The following MAPK8 variants were observed in gnomAD, a reference collection of about 807,000 sequenced individuals.
MAPK8 encodes the protein JUN N-terminal kinase.
A neutral mutation model predicts 52.9 loss-of-function variants in MAPK8; 13 were observed. The ratio of observed to expected loss-of-function variants is 0.25; its 90% CI spans 0.16 to 0.39. The LOEUF (loss-of-function observed/expected upper bound fraction) is 0.39. MAPK8 is among the 10% of genes least tolerant of loss of function. MAPK8 has a pLI of 1.00. For missense variants in MAPK8, 300 were observed against 519.2 expected (o/e 0.58, Z 4.10); for synonymous variants, 191 against 169.8 (o/e 1.12, Z -0.97).
chr10:48,370,311 G>A (rs1477673982), intron 1 of MAPK8, among the ~76,000 whole-genome samples: 2 of 152,112 alleles, frequency 1.3e-5, no homozygotes, highest in Admixed American at 1.3e-4. Flanking sequence ...TTAGACTAGT[G>A]CAACTTGGGA....
rs147553708 is a variant in MAPK8, at chr10:48,418,113, A to G, written c.451-2042A>G. ...AGTATCAGCACTTTCTTTACAAAGC[A>G]GGCAGGCCTTAATTTGCCAGCCCCT... On this transcript the variant is annotated intron_variant, in intron 5 of 11. Coordinates refer to ENST00000374189, the MANE Select transcript of MAPK8 (RefSeq NM_001323329.2). Among the ~76,000 whole-genome samples, 679 of 152,368 alleles carry G rather than the reference A, an allele frequency of 4.5e-3. 9 individuals are homozygous for G. Among genetic ancestry groups the G allele is most frequent in the South Asian group, 0.029 (138 of 4,828 alleles).
At chr10:48,403,652 T>C (rs950165192) in intron 2 of MAPK8, among the ~76,000 whole-genome samples, 1 of 152,274 alleles carries the variant, frequency 6.6e-6, no homozygotes, top group Admixed American at 6.5e-5. Context: ...TAACCAACCA[T>C]AAATTAAATT....
At chr10:48,382,809 TTATA>T (rs1246846986) in intron 1 of MAPK8, among the ~76,000 whole-genome samples, 1 of 147,190 alleles carries the variant, frequency 6.8e-6, no homozygotes, top group African/African-American at 2.5e-5. Flanking sequence ...ATAATATATA[TTATA>T]TATATGACTC....
At chr10:48,307,765 G>A (rs1326599399) in intron 1 of MAPK8, among the ~76,000 whole-genome samples, 1 of 152,174 alleles carries the variant, frequency 6.6e-6, no homozygotes, top group Non-Finnish European at 1.5e-5. Context: ...TTTGAGATAA[G>A]CATCCAGCAA....
chr10:48,430,976 G>A, intron 10 of MAPK8: 1 of 571,482 alleles, frequency 1.7e-6, no homozygotes, highest in Non-Finnish European at 3.1e-6. Flanking sequence ...TTACAGGAAA[G>A]ATTAGTACTT....
intron 1 of MAPK8, among the ~76,000 whole-genome samples, chr10:48,345,252 A>G (rs1845660082): frequency 6.6e-6 from 1 of 152,168 alleles, no homozygotes. Flanking sequence ...GCTTGACCCA[A>G]TACTTCTGTG....
At chr10:48,419,371 G>A (rs1278755357) in intron 5 of MAPK8, among the ~76,000 whole-genome samples, 1 of 152,148 alleles carries the variant, frequency 6.6e-6, no homozygotes, top group Non-Finnish European at 1.5e-5. Flanking sequence ...GCTTATAATA[G>A]TATTCATCAA....
At chr10:48,433,845 C>T (rs1394687266) in intron 11 of MAPK8, among the ~76,000 whole-genome samples, 1 of 152,166 alleles carries the variant, frequency 6.6e-6, no homozygotes, top group Non-Finnish European at 1.5e-5. Flanking sequence ...TCTTTGGGTG[C>T]CTGAACCTCA....
At chr10:48,336,946 C>T (rs1228973537) in intron 1 of MAPK8, among the ~76,000 whole-genome samples, 1 of 152,074 alleles carries the variant, frequency 6.6e-6, no homozygotes, top group Non-Finnish European at 1.5e-5. Flanking sequence ...GGTATATATG[C>T]CATACCCAGT....
chr10:48,379,879 C>T (rs1041766675), intron 1 of MAPK8, among the ~76,000 whole-genome samples: 1 of 150,392 alleles, frequency 6.6e-6, no homozygotes, highest in Non-Finnish European at 1.5e-5. Context: ...TATTCAAAGT[C>T]CTTTCCACGA....
intron 1 of MAPK8, among the ~76,000 whole-genome samples, chr10:48,349,879 TAAAG>T (rs1846137966): frequency 6.6e-6 from 1 of 151,976 alleles, no homozygotes. Context: ...GTCAGACTAA[TAAAG>T]AAGAAAAGAT....
intron 5 of MAPK8, among the ~76,000 whole-genome samples, chr10:48,417,415 A>C (rs2043123055): frequency 6.6e-6 from 1 of 152,184 alleles, no homozygotes; most frequent in African/African-American, 2.4e-5. Flanking sequence ...TTTTTCCCTG[A>C]AAGGGTTTCA....
intron 5 of MAPK8, 188 bp downstream of exon 5, chr10:48,410,356 A>C: frequency 2.4e-6 from 1 of 415,938 alleles, no homozygotes; most frequent in East Asian, 3.6e-5. Context: ...GCAGTTGTGC[A>C]TCTTTGCCCT....
chr10:48,322,596 T>C (rs1215583623), intron 1 of MAPK8, among the ~76,000 whole-genome samples: 1 of 152,014 alleles, frequency 6.6e-6, no homozygotes, highest in African/African-American at 2.4e-5. Flanking sequence ...CCCCTTGGAG[T>C]TCTAGCATAA....
chr10:48,393,120 C>G (rs1366020709), intron 1 of MAPK8, among the ~76,000 whole-genome samples: 1 of 152,066 alleles, frequency 6.6e-6, no homozygotes, highest in East Asian at 1.9e-4. Context: ...AAAGCTGAAT[C>G]TTAGGTATCT....
intron 5 of MAPK8, among the ~76,000 whole-genome samples, chr10:48,413,857 A>ATATATG (rs1439503845): frequency 2.3e-4 from 29 of 124,558 alleles, no homozygotes; most frequent in African/African-American, 7.7e-4. Context: ...ATATATATAT[A>ATATATG]TATTCAGAAA....
In MAPK8 at chr10:48,438,538, G is replaced by C. The variant is rs563527484; in HGVS notation, c.*3509G>C. On this transcript the variant is annotated 3_prime_UTR_variant, in exon 12 of 12. Coordinates refer to ENST00000374189, the MANE Select transcript of MAPK8 (RefSeq NM_001323329.2). ...TCTAGTTTAGATTCTCTTCGTTACTGAAACTTTTGAGAAATATTACCTGTG... is the reference window on the plus strand; with the variant it reads ...TCTAGTTTAGATTCTCTTCGTTACTCAAACTTTTGAGAAATATTACCTGTG... 1 of 152,282 alleles carries C rather than the reference G, an allele frequency of 6.6e-6. No homozygotes were observed. 9.4% of individuals were successfully genotyped at this position (152,282 alleles called of 1,614,324 possible).
chr10:48,337,172 T>C (rs1379795055), intron 1 of MAPK8, among the ~76,000 whole-genome samples: 1 of 152,158 alleles, frequency 6.6e-6, no homozygotes, highest in Non-Finnish European at 1.5e-5. Context: ...ATACACATTT[T>C]ACTCATCTTT....
intron 1 of MAPK8, among the ~76,000 whole-genome samples, chr10:48,369,719 A>G (rs1848380166): frequency 1.3e-5 from 2 of 152,144 alleles, no homozygotes; most frequent in Non-Finnish European, 2.9e-5. Flanking sequence ...CAGACTGGGA[A>G]GGAACAGAAA....
Sources: allele counts gnomAD v4.1 joint callset (sites outside exome capture counted in the v4.1 genomes callset), GRCh38; gene constraint gnomAD v4.1.1; transcripts MANE v1.5; gene names NCBI Gene and HGNC (gene_info 2026-07-23, HGNC 2026-07-21).